Variants in LRRTM4 observed in about 807,000 individuals in gnomAD.
The protein encoded by LRRTM4 is leucine-rich repeat transmembrane neuronal protein 4.
Under a neutral mutation model 47.6 loss-of-function variants are expected in LRRTM4, and 25 were observed. That is an observed-to-expected ratio of 0.53 (90% confidence interval 0.38 to 0.73). LRRTM4 has a LOEUF of 0.73. Ranked by LOEUF, LRRTM4 falls within the 30% of genes least tolerant of loss-of-function variation. The pLI, the probability that LRRTM4 is intolerant of heterozygous loss-of-function variation, is 0.00. For missense variants in LRRTM4, 638 were observed against 713.4 expected, an observed-to-expected ratio of 0.89 and a Z score of 1.20; for synonymous variants, 311 against 269.5, an observed-to-expected ratio of 1.15 and a Z score of -1.51.
intron 3 of LRRTM4, among the ~76,000 whole-genome samples, chr2:76,871,475 G>A (rs1201695505): frequency 6.6e-6 from 1 of 152,068 alleles, no homozygotes; most frequent in Non-Finnish European, 1.5e-5. Context: ...CCATCACTGG[G>A]AATCGCCTGT....
chr2:76,752,296 T>A (rs1672877636), intron 3 of LRRTM4, among the ~76,000 whole-genome samples: 1 of 152,166 alleles, frequency 6.6e-6, no homozygotes, highest in Non-Finnish European at 1.5e-5. Context: ...AGATAACAAT[T>A]TCATAGCTAA....
At chr2:77,189,742 A>G (rs1471389183) in intron 3 of LRRTM4, among the ~76,000 whole-genome samples, 1 of 151,092 alleles carries the variant, frequency 6.6e-6, no homozygotes, top group African/African-American at 2.5e-5. Context: ...TTTATACTTT[A>G]TATATACTTT....
intron 3 of LRRTM4, among the ~76,000 whole-genome samples, chr2:76,842,717 A>T (rs987100655): frequency 2.7e-5 from 4 of 150,438 alleles, no homozygotes; most frequent in African/African-American, 9.9e-5. Flanking sequence ...TTAACTTTAT[A>T]AAAGTTTTTT....
chr2:77,088,570 G>C (rs551764342), intron 3 of LRRTM4, among the ~76,000 whole-genome samples: 3 of 151,478 alleles, frequency 2.0e-5, no homozygotes, highest in African/African-American at 7.3e-5. Flanking sequence ...ATCTCCATTC[G>C]CTGACTCTCT....
intron 3 of LRRTM4, among the ~76,000 whole-genome samples, chr2:77,359,785 G>T (rs566865570): frequency 4.3e-4 from 65 of 152,244 alleles, no homozygotes; most frequent in African/African-American, 1.3e-3. Context: ...CTCAGATAAT[G>T]TTTTTGTGAA....
intron 3 of LRRTM4, among the ~76,000 whole-genome samples, chr2:77,389,033 A>G (rs1673397517): frequency 1.3e-5 from 2 of 151,990 alleles, no homozygotes; most frequent in Admixed American, 1.3e-4. Context: ...ACAATGGAGG[A>G]TTTTCCATAA....
intron 3 of LRRTM4, among the ~76,000 whole-genome samples, chr2:77,490,099 C>T (rs984683808): frequency 1.3e-5 from 2 of 151,860 alleles, no homozygotes; most frequent in African/African-American, 4.8e-5. Context: ...AAAATACAAA[C>T]ATTAGCCGGG....
intron 3 of LRRTM4, among the ~76,000 whole-genome samples, chr2:77,297,736 A>T (rs971685852): frequency 6.6e-6 from 1 of 152,270 alleles, no homozygotes; most frequent in East Asian, 1.9e-4. Context: ...AAAAGCCAAG[A>T]GAGTAGAGCT....
At chr2:77,032,474 T>G (rs1678695142) in intron 3 of LRRTM4, among the ~76,000 whole-genome samples, 1 of 152,170 alleles carries the variant, frequency 6.6e-6, no homozygotes, top group Non-Finnish European at 1.5e-5. Flanking sequence ...CCAAGTTAGT[T>G]TTGTTCACGT....
chr2:77,086,990 C>T (rs1330026204), intron 3 of LRRTM4, among the ~76,000 whole-genome samples: 1 of 150,394 alleles, frequency 6.6e-6, no homozygotes, highest in East Asian at 1.9e-4. Context: ...CCTTTTAAAC[C>T]TTGTAGCTGA....
chr2:77,152,684 A>G (rs2103788361), intron 3 of LRRTM4, among the ~76,000 whole-genome samples: 1 of 152,260 alleles, frequency 6.6e-6, no homozygotes, highest in Non-Finnish European at 1.5e-5. Flanking sequence ...TTATACTTCA[A>G]GGGTTTTCTG....
chr2:76,749,353 C>T (rs1242018800), intron 3 of LRRTM4, among the ~76,000 whole-genome samples: 1 of 152,016 alleles, frequency 6.6e-6, no homozygotes, highest in Non-Finnish European at 1.5e-5. Context: ...ATGGTATGAT[C>T]TGTTTTGTGT....
chr2:77,432,462 C>G (rs149995210), intron 3 of LRRTM4, among the ~76,000 whole-genome samples: 5,648 of 152,246 alleles, frequency 0.037, 208 homozygotes, highest in Admixed American at 0.11. Flanking sequence ...TAAGGTATAT[C>G]CTTTAAATAT....
intron 3 of LRRTM4, among the ~76,000 whole-genome samples, chr2:77,067,262 A>C (rs1679986932): frequency 6.6e-6 from 1 of 152,180 alleles, no homozygotes; most frequent in Admixed American, 6.5e-5. Flanking sequence ...TTTAAAACTT[A>C]AGGGAAAATC....
At chr2:77,500,109 T>G (rs1678516453) in intron 3 of LRRTM4, among the ~76,000 whole-genome samples, 1 of 151,744 alleles carries the variant, frequency 6.6e-6, no homozygotes, top group Admixed American at 6.6e-5. Flanking sequence ...AGTCTCTTCC[T>G]GCAGAAGAGT....
At chr2:76,932,114 G>T (rs888867432) in intron 3 of LRRTM4, among the ~76,000 whole-genome samples, 4 of 152,002 alleles carry the variant, frequency 2.6e-5, no homozygotes, top group African/African-American at 7.3e-5. Flanking sequence ...GTTCCTCCTT[G>T]TATTGTTTAT....
At chr2:77,393,491 A>C (rs930789699) in intron 3 of LRRTM4, among the ~76,000 whole-genome samples, 2 of 151,992 alleles carry the variant, frequency 1.3e-5, no homozygotes, top group Non-Finnish European at 2.9e-5. Flanking sequence ...TCATTGCGGG[A>C]GTTTAATTTT....
intron 3 of LRRTM4, among the ~76,000 whole-genome samples, chr2:76,951,364 G>A (rs1675487541): frequency 6.6e-6 from 1 of 151,884 alleles, no homozygotes; most frequent in African/African-American, 2.4e-5. Flanking sequence ...AGGTATCGGA[G>A]TCTATAAAAA....
chr2:77,167,575 G>A (rs1188558517), intron 3 of LRRTM4, among the ~76,000 whole-genome samples: 3 of 152,162 alleles, frequency 2.0e-5, no homozygotes, highest in Non-Finnish European at 2.9e-5. Context: ...ATGATAGACT[G>A]GATTAAGAAA....
Sources: gnomAD v4.1 joint callset for allele counts (sites outside exome capture counted in the v4.1 genomes callset) on GRCh38, gnomAD v4.1.1 for gene constraint, MANE v1.5 for transcripts, NCBI Gene and HGNC (gene_info 2026-07-23, HGNC 2026-07-21) for gene names.